The following UTRN variants were observed in gnomAD, a reference collection of about 807,000 sequenced individuals.
UTRN encodes the protein utrophin.
A neutral mutation model predicts 463.9 loss-of-function variants in UTRN; 283 were observed. That is an observed-to-expected ratio of 0.61 (90% CI 0.55 to 0.67). The LOEUF is 0.67. UTRN is among the 30% of genes least tolerant of loss of function. The probability of loss-of-function intolerance (pLI) is 0.00; values close to 1 mark genes in which losing one functional copy is unlikely to be tolerated. For synonymous variants in UTRN, 1,442 were observed against 1,431.5 expected, an observed-to-expected ratio of 1.01 and a Z score of -0.17; for missense variants, 3,922 against 4,084.3, an observed-to-expected ratio of 0.96 and a Z score of 1.08.
At chr6:144,330,868 C>G (rs1312234818) in intron 2 of UTRN, 2 of 985,314 alleles carry the variant, frequency 2.0e-6, no homozygotes, top group Admixed American at 1.2e-4. Flanking sequence ...AGCACATTCT[C>G]CAGCCGAGGG....
chr6:144,696,408 T>G (rs938557043), intron 52 of UTRN, among the ~76,000 whole-genome samples: 46 of 152,232 alleles, frequency 3.0e-4, no homozygotes, highest in Admixed American at 6.5e-5. Flanking sequence ...CAAAATTTAC[T>G]CATTTTATTT....
intron 52 of UTRN, 89 bp from the exon 53 acceptor site, chr6:144,699,998 A>T (rs540177307): frequency 5.2e-6 from 7 of 1,340,098 alleles, no homozygotes; most frequent in Middle Eastern, 2.0e-4. Flanking sequence ...GTCAGATAAG[A>T]TTATTATGCT....
intron 51 of UTRN, among the ~76,000 whole-genome samples, chr6:144,645,855 G>C (rs1001966180): frequency 6.6e-6 from 1 of 152,070 alleles, no homozygotes; most frequent in African/African-American, 2.4e-5. Context: ...TAATGGGAGT[G>C]GGGGAGAAAG....
At chr6:144,511,956 AG>A (rs1036338406) in intron 35 of UTRN, among the ~76,000 whole-genome samples, 2 of 152,152 alleles carry the variant, frequency 1.3e-5, no homozygotes, top group Non-Finnish European at 2.9e-5. Flanking sequence ...GGTAATGGAT[AG>A]AGACATAAAA....
At chr6:144,824,572 TTATATATATA>T (rs71028314) in intron 66 of UTRN, among the ~76,000 whole-genome samples, 573 of 37,882 alleles carry the variant, frequency 0.015, 6 homozygotes, top group Middle Eastern at 0.028. Context: ...AGCATTTTAT[TTATATATATA>T]TATATATATA....
rs1792338289 is a variant in UTRN, at chr6:144,485,409, C to G, written c.3712C>G (p.Leu1238Val). ...GGAGGTCTGGTCTTGTTGGATTGAA[C>G]TGCTTCACTATTTGGATCTTGAAAC... ...LEEVWSCWIELLHYLDLETTW... is the reference protein window; with the variant it reads ...LEEVWSCWIEVLHYLDLETTW... Residue 1238 changes from leucine to valine, a missense_variant, in exon 28 of 75, where the codon CTG (leucine) becomes GTG (valine). Physicochemically the swap from Leu to Val is conservative, Grantham distance 32. Transcript: ENST00000367545. 2.5e-6 allele frequency: 4 copies of G among 1,614,118 alleles called. No homozygotes were observed. In the East Asian group the frequency reaches 8.9e-5, roughly 36 times the overall value.
At chr6:144,633,866 A>C (rs566229678) in intron 51 of UTRN, among the ~76,000 whole-genome samples, 55 of 152,268 alleles carry the variant, frequency 3.6e-4, no homozygotes, top group Non-Finnish European at 7.2e-4. Flanking sequence ...GCAATTTGTC[A>C]GAAAATATTT....
chr6:144,629,781 C>T (rs1194623486), intron 51 of UTRN, among the ~76,000 whole-genome samples: 1 of 152,222 alleles, frequency 6.6e-6, no homozygotes, highest in Non-Finnish European at 1.5e-5. Context: ...ATAATTCCAT[C>T]TCCTTTGTAA....
chr6:144,404,419 T>C (rs1300249792), intron 3 of UTRN, among the ~76,000 whole-genome samples: 1 of 152,232 alleles, frequency 6.6e-6, no homozygotes, highest in African/African-American at 2.4e-5. Flanking sequence ...TTTGAACTAT[T>C]CATCTGCATG....
chr6:144,586,662 A>G (rs2128629463), intron 51 of UTRN, among the ~76,000 whole-genome samples: 1 of 152,312 alleles, frequency 6.6e-6, no homozygotes, highest in Middle Eastern at 3.4e-3. Flanking sequence ...ATGTTAAATC[A>G]GAAGAGATTT....
At chr6:144,785,244 AC>A (rs993885680) in intron 61 of UTRN, among the ~76,000 whole-genome samples, 1 of 152,238 alleles carries the variant, frequency 6.6e-6, no homozygotes, top group Middle Eastern at 3.4e-3. Context: ...CTAATCATAT[AC>A]CCGTGACTGC....
rs1272819194 is a variant in UTRN at position 144,548,817 on chromosome 6, A to C, written c.6773A>C (p.Asp2258Ala). 6.2e-7 allele frequency: 1 copy of C among 1,613,990 alleles called. No individual in the cohort carries two copies. Among genetic ancestry groups the C allele is most frequent in the Admixed American group, 1.7e-5 (1 of 60,012 alleles). ...MLKSNIVTVG[D>A]VEEINKTVSR... ...AAGTCCAACATTGTCACTGTTGGGG[A>C]TGTAGAAGAGATCAATAAGACCGTT... The change falls in exon 47 of 75, where the codon GAT becomes GCT. Residue 2258 changes from aspartate to alanine, a missense_variant. By Grantham distance (126) the Asp-to-Ala change is moderately radical (BLOSUM62 -2). Transcript: ENST00000367545.
intron 54 of UTRN, among the ~76,000 whole-genome samples, chr6:144,734,692 T>G (rs1054151759): frequency 2.0e-5 from 3 of 152,230 alleles, no homozygotes; most frequent in Non-Finnish European, 4.4e-5. Context: ...GCTTTCCTGG[T>G]CTAAGCCCCC....
intron 55 of UTRN, among the ~76,000 whole-genome samples, chr6:144,748,842 C>G (rs1466402944): frequency 6.6e-6 from 1 of 152,166 alleles, no homozygotes; most frequent in Non-Finnish European, 1.5e-5. Flanking sequence ...GATTTCCCCT[C>G]TCTTCCTTTT....
At chr6:144,442,515 GT>G (rs1173973759) in intron 13 of UTRN, among the ~76,000 whole-genome samples, 4 of 152,188 alleles carry the variant, frequency 2.6e-5, no homozygotes, top group African/African-American at 9.6e-5. Flanking sequence ...AGAAAAAGAG[GT>G]TTAATGGACT....
At chr6:144,678,354 A>C in intron 51 of UTRN, 52 bp from the exon 52 acceptor site, 1 of 1,538,742 alleles carries the variant, frequency 6.5e-7, no homozygotes, top group African/African-American at 1.4e-5. Context: ...GTGAATATAA[A>C]GATATACTGA....
chr6:144,835,532 C>T (rs1388661136), intron 69 of UTRN, among the ~76,000 whole-genome samples: 1 of 151,994 alleles, frequency 6.6e-6, no homozygotes, highest in Non-Finnish European at 1.5e-5. Flanking sequence ...GTAAGATATC[C>T]CTTCTGAAGT....
At chr6:144,540,888 T>G (rs552715428) in intron 45 of UTRN, among the ~76,000 whole-genome samples, 46 of 152,348 alleles carry the variant, frequency 3.0e-4, no homozygotes, top group African/African-American at 1.1e-3. Flanking sequence ...GTTTGACAGT[T>G]GTAGATGTCA....
At chr6:144,603,619 G>A (rs1347051585) in intron 51 of UTRN, among the ~76,000 whole-genome samples, 3 of 152,140 alleles carry the variant, frequency 2.0e-5, no homozygotes, top group African/African-American at 7.2e-5. Flanking sequence ...TTACTAGGAA[G>A]CAGTTCTGTC....
Sources: allele counts gnomAD v4.1 joint callset (sites outside exome capture counted in the v4.1 genomes callset), GRCh38; gene constraint gnomAD v4.1.1; transcripts MANE v1.5; gene names NCBI Gene and HGNC (gene_info 2026-07-23, HGNC 2026-07-21).